The following SLC12A2 variants were observed in gnomAD, a reference collection of about 807,000 sequenced individuals.
SLC12A2 encodes the protein solute carrier family 12 member 2.
SLC12A2 carries 67 observed loss-of-function variants against 136.3 expected under a neutral mutation model. The ratio of observed to expected loss-of-function variants is 0.49; its 90% CI spans 0.40 to 0.60. The LOEUF (loss-of-function observed/expected upper bound fraction) is 0.60, where lower values mean the gene tolerates loss of function less well. SLC12A2 is among the 20% of genes least tolerant of loss of function. SLC12A2 has a pLI of 0.00. For missense variants in SLC12A2, 1,322 were observed against 1,534.7 expected (o/e 0.86, Z 2.32); for synonymous variants, 619 against 562.9 (o/e 1.10, Z -1.41).
chr5:128,128,075 C>T (rs1368423353), intron 4 of SLC12A2, among the ~76,000 whole-genome samples: 4 of 151,974 alleles, frequency 2.6e-5, no homozygotes, highest in African/African-American at 9.7e-5. Context: ...TCTAATTTCG[C>T]TTGTGATTTA....
At chr5:128,085,209 A>G (rs534626017) in intron 1 of SLC12A2, among the ~76,000 whole-genome samples, 5 of 152,230 alleles carry the variant, frequency 3.3e-5, no homozygotes, top group Admixed American at 1.3e-4. Context: ...TTTATGGTCT[A>G]TGAGTTATTA....
chr5:128,125,319 C>A (rs1761747276), intron 4 of SLC12A2, among the ~76,000 whole-genome samples: 1 of 152,142 alleles, frequency 6.6e-6, no homozygotes, highest in Non-Finnish European at 1.5e-5. Context: ...TACCAGGATT[C>A]TATGAGGCCA....
intron 14 of SLC12A2, among the ~76,000 whole-genome samples, chr5:128,152,449 A>T (rs1271184787): frequency 2.0e-5 from 3 of 152,218 alleles, no homozygotes; most frequent in Non-Finnish European, 2.9e-5. Context: ...AGACTCTTTC[A>T]GAGTTGTATG....
intron 2 of SLC12A2, 139 bp from the exon 3 acceptor site, chr5:128,114,073 G>T: frequency 1.6e-6 from 1 of 636,958 alleles, no homozygotes. Flanking sequence ...AAAGAAAAGG[G>T]TGGGGTAGGA....
intron 17 of SLC12A2, among the ~76,000 whole-genome samples, chr5:128,166,460 A>G (rs1763206566): frequency 6.7e-6 from 1 of 150,004 alleles, no homozygotes; most frequent in Non-Finnish European, 1.5e-5. Context: ...GGATAAACAA[A>G]TGTGTGTGTG....
chr5:128,157,050 T>A (rs1194251163), intron 15 of SLC12A2, among the ~76,000 whole-genome samples: 1 of 152,204 alleles, frequency 6.6e-6, no homozygotes, highest in Non-Finnish European at 1.5e-5. Flanking sequence ...CTTTTCCAGC[T>A]CATTTGCTAA....
intron 10 of SLC12A2, among the ~76,000 whole-genome samples, chr5:128,144,391 A>C (rs1400112998): frequency 1.3e-5 from 2 of 152,132 alleles, no homozygotes; most frequent in African/African-American, 4.8e-5. Context: ...ATAAATGAGG[A>C]GTATGTAAGT....
chr5:128,181,131 A>G (rs1445239505), intron 23 of SLC12A2, 137 bp downstream of exon 23: 15 of 630,318 alleles, frequency 2.4e-5, no homozygotes, highest in Non-Finnish European at 3.6e-5. Flanking sequence ...TAAAAATTTT[A>G]AATATAACCT....
At chr5:128,125,693 A>G (rs1225287157) in intron 4 of SLC12A2, among the ~76,000 whole-genome samples, 3 of 151,270 alleles carry the variant, frequency 2.0e-5, no homozygotes, top group Non-Finnish European at 2.9e-5. Context: ...TTTTTATGCT[A>G]GTGCTTTGTT....
Position 128,084,277 on chromosome 5 carries a change from G to A in SLC12A2, c.323G>A (p.Gly108Asp), listed in dbSNP as rs773989377. 1 of 1,421,206 alleles carries A rather than the reference G, an allele frequency of 7.0e-7. No individual in the cohort carries two copies. The highest frequency in any genetic ancestry group is 9.1e-7 in the Non-Finnish European group (1 of 1,100,248). 88.0% of individuals were successfully genotyped at this position (1,421,206 alleles called of 1,614,324 possible). A position where few individuals can be genotyped will look rare whatever the true frequency, so the allele number is the denominator to read the frequency against. ...GCGGCGGCGGCAGCGGCGGCGGCTG[G>A]TGCTGGGGCGGGGGCCAAGCAGACC... ...AAAAAAAAAA[G>D]AGAGAKQTPA... Residue 108 changes from glycine (G) to aspartate (D), a missense_variant, in exon 1 of 27, where the codon GGT (glycine) becomes GAT (aspartate). Around this residue, in one of 8 missense-constraint regions of SLC12A2, gnomAD observed 358 missense variants for 299.7 expected, o/e 1.19. Coordinates refer to ENST00000262461, the MANE Select transcript of SLC12A2 (RefSeq NM_001046.3). This position sits in a 1 kb window ranked among gnomAD's most constrained non-coding sequence, Gnocchi z 5.6.
intron 1 of SLC12A2, among the ~76,000 whole-genome samples, chr5:128,104,493 G>A (rs1027296474): frequency 1.3e-5 from 2 of 151,922 alleles, no homozygotes; most frequent in South Asian, 4.1e-4. Context: ...TTAGCCGGAC[G>A]TGGTGGCAGG....
intron 1 of SLC12A2, among the ~76,000 whole-genome samples, chr5:128,093,429 C>A (rs1760411970): frequency 6.6e-6 from 1 of 152,242 alleles, no homozygotes. Flanking sequence ...TTCTGGGTAT[C>A]CAATGCTTGC....
chr5:128,109,712 C>A, intron 1 of SLC12A2: 1 of 1,169,162 alleles, frequency 8.6e-7, no homozygotes, highest in Non-Finnish European at 1.3e-6. Context: ...AGTCCCAGCA[C>A]CAGAGGAGCA....
chr5:128,110,768 A>C (rs1312103157), intron 1 of SLC12A2: 34 of 1,463,936 alleles, frequency 2.3e-5, no homozygotes, highest in Non-Finnish European at 3.3e-5. Flanking sequence ...TGGACAAAAG[A>C]TCACAATGAA....
chr5:128,180,941 G>A lies in SLC12A2; in HGVS notation c.3159G>A (p.Lys1053=). 6.2e-7 allele frequency: 1 copy of A among 1,613,006 alleles called. No individual in the cohort carries two copies. The highest frequency in any genetic ancestry group is 2.2e-5 in the East Asian group (1 of 44,798). Reference sequence around the variant, plus strand: ...CCAAGAAAAAATGGAAAGACTGTAAGATCAGAGTATTCATTGGTGGAAAGA... The same window carrying A: ...CCAAGAAAAAATGGAAAGACTGTAAAATCAGAGTATTCATTGGTGGAAAGA... ...LTTKKKWKDC[K]IRVFIGGKIN... Residue 1053 remains lysine, a synonymous_variant, in exon 23 of 27, where the codon AAG becomes AAA. Coordinates refer to ENST00000262461, the MANE Select transcript of SLC12A2 (RefSeq NM_001046.3).
At chr5:128,150,190 G>T in intron 13 of SLC12A2, 92 bp downstream of exon 13, 1 of 785,734 alleles carries the variant, frequency 1.3e-6, no homozygotes, top group Non-Finnish European at 2.1e-6. Context: ...TGTTATGTGT[G>T]GGGTTAGTTC....
chr5:128,107,430 T>C (rs1760982144), intron 1 of SLC12A2, among the ~76,000 whole-genome samples: 1 of 152,216 alleles, frequency 6.6e-6, no homozygotes, highest in South Asian at 2.1e-4. Flanking sequence ...CTCCTACTGC[T>C]GTCCCTCCCC....
At chr5:128,119,108 A>G (rs1761459365) in intron 4 of SLC12A2, among the ~76,000 whole-genome samples, 1 of 126,820 alleles carries the variant, frequency 7.9e-6, no homozygotes, top group Admixed American at 7.7e-5. Flanking sequence ...CTACAGCTCA[A>G]CTGCTAAGAT....
At chr5:128,149,891 T>G in intron 12 of SLC12A2, 106 bp from the exon 13 acceptor site, 1 of 759,944 alleles carries the variant, frequency 1.3e-6, no homozygotes, top group Non-Finnish European at 2.3e-6. Context: ...AGCTGGATGG[T>G]GGTTATGGGG....
Sources: gnomAD v4.1 joint callset for allele counts (sites outside exome capture counted in the v4.1 genomes callset) on GRCh38, gnomAD v4.1.1 for gene constraint, gnomAD v4.1.1 regional missense constraint, Gnocchi (gnomAD v3.1) non-coding constraint, MANE v1.5 for transcripts, NCBI Gene and HGNC (gene_info 2026-07-23, HGNC 2026-07-21) for gene names.